NKAIN2: variants seen among roughly 807,000 people sequenced by gnomAD.
NKAIN2 encodes the protein sodium/potassium transporting ATPase interacting 2, also known as sodium/potassium-transporting ATPase subunit beta-1-interacting protein 2.
A neutral mutation model predicts 32.6 loss-of-function variants in NKAIN2; 14 were observed. The ratio of observed to expected loss-of-function variants is 0.43; its 90% CI spans 0.28 to 0.67. NKAIN2 has a LOEUF of 0.67. Ranked by LOEUF, NKAIN2 falls within the 30% of genes least tolerant of loss-of-function variation. The pLI is 0.17. For synonymous variants in NKAIN2, 80 were observed against 87.2 expected, an observed-to-expected ratio of 0.92 and a Z score of 0.46; for missense variants, 198 against 258.3, an observed-to-expected ratio of 0.77 and a Z score of 1.60.
chr6:124,658,164 C>G, intron 3 of NKAIN2, 22 bp from the exon 4 acceptor site: 1 of 1,543,268 alleles, frequency 6.5e-7, no homozygotes, highest in South Asian at 1.2e-5. Context: ...AATTCTCATC[C>G]TTGTAAATTG....
At chr6:123,911,850 C>CAT (rs1775226132) in intron 1 of NKAIN2, among the ~76,000 whole-genome samples, 1 of 133,394 alleles carries the variant, frequency 7.5e-6, no homozygotes, top group African/African-American at 3.1e-5. Flanking sequence ...CACACACACA[C>CAT]ACACACACAT....
At chr6:123,878,838 C>G (rs530901201) in intron 1 of NKAIN2, among the ~76,000 whole-genome samples, 2 of 152,222 alleles carry the variant, frequency 1.3e-5, no homozygotes, top group East Asian at 3.9e-4. Context: ...CCTCCCCCTC[C>G]TCCCTGCACC....
chr6:123,857,523 G>A (rs976010502), intron 1 of NKAIN2, among the ~76,000 whole-genome samples: 9 of 152,134 alleles, frequency 5.9e-5, no homozygotes, highest in Admixed American at 5.9e-4. Flanking sequence ...TATTTTTTAA[G>A]TTCGTAGAAG....
intron 3 of NKAIN2, among the ~76,000 whole-genome samples, chr6:124,625,690 G>A (rs2114278047): frequency 1.0e-5 from 1 of 100,158 alleles, no homozygotes; most frequent in East Asian, 3.2e-4. Flanking sequence ...CCTACTTTGT[G>A]CTGAAGATGC....
chr6:124,489,313 A>T (rs1205640939), intron 3 of NKAIN2, among the ~76,000 whole-genome samples: 1 of 151,922 alleles, frequency 6.6e-6, no homozygotes, highest in South Asian at 2.1e-4. Context: ...AGCTTCAACA[A>T]CTATTTTCAC....
chr6:124,408,424 G>C (rs999591618), intron 3 of NKAIN2, among the ~76,000 whole-genome samples: 1 of 152,196 alleles, frequency 6.6e-6, no homozygotes, highest in Non-Finnish European at 1.5e-5. Context: ...TGACTAGCCA[G>C]TTTTCCCAGC....
intron 1 of NKAIN2, among the ~76,000 whole-genome samples, chr6:124,026,969 C>T (rs1781139575): frequency 6.6e-6 from 1 of 152,074 alleles, no homozygotes; most frequent in African/African-American, 2.4e-5. Flanking sequence ...CTTGTAGCCA[C>T]TGTGTTTCTG....
intron 1 of NKAIN2, among the ~76,000 whole-genome samples, chr6:123,828,538 A>G (rs764257379): frequency 6.6e-5 from 10 of 152,184 alleles, no homozygotes; most frequent in Admixed American, 2.6e-4. Flanking sequence ...AACCTGAAAT[A>G]CAGTTCTGAT....
In NKAIN2 at chr6:124,355,363, T is replaced by G. The variant is rs1056890465; in HGVS notation, c.273+16T>G. 7 of 1,441,512 alleles carry G rather than the reference T, an allele frequency of 4.9e-6. No individual in the cohort carries two copies. Among genetic ancestry groups the G allele is most frequent in the Non-Finnish European group, 5.9e-6 (6 of 1,022,452 alleles). 89.3% of individuals were successfully genotyped at this position (1,441,512 alleles called of 1,614,324 possible). A position where few individuals can be genotyped will look rare whatever the true frequency, so the allele number is the denominator to read the frequency against. On this transcript the variant is annotated intron_variant, in intron 3 of 6. Coordinates refer to ENST00000368417, the MANE Select transcript of NKAIN2 (RefSeq NM_001040214.3). ...CCTCTCAAAGGTAATTTACATCTAATTTGCCTGAGTCATCAGTAGGGTGTT... is the reference window on the plus strand; with the variant it reads ...CCTCTCAAAGGTAATTTACATCTAAGTTGCCTGAGTCATCAGTAGGGTGTT...
At chr6:124,649,207 A>G (rs1784279830) in intron 3 of NKAIN2, among the ~76,000 whole-genome samples, 1 of 152,190 alleles carries the variant, frequency 6.6e-6, no homozygotes, top group Admixed American at 6.5e-5. Flanking sequence ...CTTATTTGAA[A>G]TGATTAATAA....
At chr6:124,057,943 G>A (rs182523725) in intron 1 of NKAIN2, among the ~76,000 whole-genome samples, 10 of 151,972 alleles carry the variant, frequency 6.6e-5, no homozygotes, top group Non-Finnish European at 1.0e-4. Context: ...CAGATATAAG[G>A]AAAAAGAAAA....
chr6:124,800,285 A>C (rs540720854), intron 5 of NKAIN2, among the ~76,000 whole-genome samples: 1 of 152,174 alleles, frequency 6.6e-6, no homozygotes, highest in East Asian at 1.9e-4. Context: ...GCTAAGAAAC[A>C]CTAGATCTCT....
intron 5 of NKAIN2, among the ~76,000 whole-genome samples, chr6:124,815,254 A>ATATG (rs1562400524): frequency 8.0e-6 from 1 of 124,416 alleles, no homozygotes; most frequent in Non-Finnish European, 1.8e-5. Context: ...ATATATGTAT[A>ATATG]TATATATGTG....
intron 1 of NKAIN2, among the ~76,000 whole-genome samples, chr6:123,813,247 G>A (rs1010760547): frequency 5.3e-5 from 8 of 152,288 alleles, no homozygotes; most frequent in Non-Finnish European, 8.8e-5. Flanking sequence ...TGATTGTCCC[G>A]GGATTGAGCA....
intron 4 of NKAIN2, among the ~76,000 whole-genome samples, chr6:124,705,783 C>G (rs898365638): frequency 1.3e-5 from 2 of 151,986 alleles, no homozygotes. Context: ...AGAGCAGTCA[C>G]TAAGGCTCAA....
chr6:124,452,195 GA>G (rs11300457), intron 3 of NKAIN2, among the ~76,000 whole-genome samples: 89,391 of 133,302 alleles, frequency 0.67, 31,254 homozygotes, highest in South Asian at 0.79. Context: ...ACATCATCTC[GA>G]AAAAAAAAAA....
At chr6:124,172,734 T>G (rs1024811752) in intron 1 of NKAIN2, among the ~76,000 whole-genome samples, 5 of 152,172 alleles carry the variant, frequency 3.3e-5, no homozygotes, top group African/African-American at 1.2e-4. Flanking sequence ...TCAGTCCAGG[T>G]TTTTACTTTG....
rs146412445 is a variant in NKAIN2, at chr6:124,549,825, C to T, written c.274-108361C>T. Among the ~76,000 whole-genome samples, 422 of 152,234 alleles carry T rather than the reference C, an allele frequency of 2.8e-3. 1 individual carries two copies. The highest frequency in any genetic ancestry group is 9.9e-3 in the African/African-American group (412 of 41,542). ...GATATCACAGAAGCTATGTACCCTACCTCAGTGCTTCATATCAGGGGGTAT... is the reference window on the plus strand; with the variant it reads ...GATATCACAGAAGCTATGTACCCTATCTCAGTGCTTCATATCAGGGGGTAT... On this transcript the variant is annotated intron_variant, in intron 3 of 6. Transcript: ENST00000368417.
At chr6:124,410,109 G>A (rs1465958528) in intron 3 of NKAIN2, among the ~76,000 whole-genome samples, 1 of 151,906 alleles carries the variant, frequency 6.6e-6, no homozygotes, top group South Asian at 2.1e-4. Context: ...TCTTGCTAGT[G>A]GTCTATCAAT....
Sources: allele counts gnomAD v4.1 joint callset (sites outside exome capture counted in the v4.1 genomes callset), GRCh38; gene constraint gnomAD v4.1.1; transcripts MANE v1.5; gene names NCBI Gene and HGNC (gene_info 2026-07-23, HGNC 2026-07-21).